AKAP6: variants seen among roughly 807,000 people sequenced by gnomAD.
The protein encoded by AKAP6 is A-kinase anchoring protein 6, also known as A-kinase anchor protein 6.
In AKAP6, 58 loss-of-function variants were observed where a neutral mutation model predicts 188.5. The ratio of observed to expected loss-of-function variants is 0.31; its 90% CI spans 0.25 to 0.38. The LOEUF is 0.38. Ranked by LOEUF, AKAP6 falls within the 10% of genes least tolerant of loss-of-function variation. The probability of loss-of-function intolerance (pLI) is 1.00; values close to 1 mark genes in which losing one functional copy is unlikely to be tolerated. For synonymous variants in AKAP6, 989 were observed against 998.6 expected (o/e 0.99, Z 0.18); for missense variants, 2,710 against 2,740.0 (o/e 0.99, Z 0.24).
chr14:32,798,806 C>A (rs1454335779), intron 12 of AKAP6, among the ~76,000 whole-genome samples: 2 of 151,998 alleles, frequency 1.3e-5, no homozygotes, highest in Non-Finnish European at 2.9e-5. Context: ...ATAATCTGTA[C>A]ACCAAAATCC....
intron 2 of AKAP6, among the ~76,000 whole-genome samples, chr14:32,485,176 T>C (rs1219887145): frequency 2.3e-5 from 3 of 129,568 alleles, no homozygotes; most frequent in Non-Finnish European, 4.7e-5. Flanking sequence ...TATTCCATGA[T>C]GTATATGTGC....
chr14:32,830,093 C>A lies in AKAP6; in HGVS notation c.*288C>A. On this transcript the variant is annotated 3_prime_UTR_variant, in exon 14 of 14. Coordinates refer to ENST00000280979, the MANE Select transcript of AKAP6 (RefSeq NM_004274.5). ...GGATTCCTGTCCCAAGCTACCTCTACCAACCCTCTCTCTCCAGCTAGACTT... is the reference window on the plus strand; with the variant it reads ...GGATTCCTGTCCCAAGCTACCTCTAACAACCCTCTCTCTCCAGCTAGACTT... 1 of 637,016 alleles carries A rather than the reference C, an allele frequency of 1.6e-6. No homozygotes were observed. Among genetic ancestry groups the A allele is most frequent in the South Asian group, 1.8e-5 (1 of 56,080 alleles). 39.5% of individuals were successfully genotyped at this position (637,016 alleles called of 1,614,324 possible). A position where few individuals can be genotyped will look rare whatever the true frequency, so the allele number is the denominator to read the frequency against.
intron 12 of AKAP6, among the ~76,000 whole-genome samples, chr14:32,792,759 CATAA>C (rs2140059985): frequency 6.6e-6 from 1 of 152,218 alleles, no homozygotes; most frequent in South Asian, 2.1e-4. Flanking sequence ...ATGGGTTAGT[CATAA>C]ATAGTTATTA....
At chr14:32,565,507 CT>C (rs1237630254) in intron 4 of AKAP6, among the ~76,000 whole-genome samples, 3 of 152,172 alleles carry the variant, frequency 2.0e-5, no homozygotes, top group Admixed American at 6.5e-5. Flanking sequence ...CACTGAGCTG[CT>C]TTAGTTTAGC....
intron 7 of AKAP6, among the ~76,000 whole-genome samples, chr14:32,649,886 T>G (rs1438126134): frequency 6.6e-6 from 1 of 152,178 alleles, no homozygotes; most frequent in Non-Finnish European, 1.5e-5. Flanking sequence ...GGCACAAGAT[T>G]GTGTTGTAGA....
intron 7 of AKAP6, among the ~76,000 whole-genome samples, chr14:32,621,198 A>G (rs577008200): frequency 4.0e-5 from 6 of 149,314 alleles, no homozygotes; most frequent in Non-Finnish European, 9.0e-5. Flanking sequence ...GGTCTTTTTT[A>G]TTTCTTTTCT....
intron 2 of AKAP6, among the ~76,000 whole-genome samples, chr14:32,470,915 T>C (rs1251359362): frequency 6.6e-6 from 1 of 152,244 alleles, no homozygotes; most frequent in Non-Finnish European, 1.5e-5. Context: ...CAAATGAATG[T>C]CATTCACAAA....
intron 13 of AKAP6, 97 bp downstream of exon 13, chr14:32,824,912 C>A: frequency 1.1e-6 from 1 of 913,802 alleles, no homozygotes; most frequent in South Asian, 1.9e-5. Flanking sequence ...TGACCAGTTA[C>A]GGCAGACAGT....
At chr14:32,545,127 C>A in intron 3 of AKAP6, 103 bp from the exon 4 acceptor site, 1 of 1,082,292 alleles carries the variant, frequency 9.2e-7, no homozygotes, top group Non-Finnish European at 1.4e-6. Context: ...GGGACCAATA[C>A]ATTTGACCTT....
intron 11 of AKAP6, among the ~76,000 whole-genome samples, chr14:32,766,812 A>G (rs184065595): frequency 1.3e-5 from 2 of 152,310 alleles, no homozygotes; most frequent in Middle Eastern, 3.4e-3. Flanking sequence ...TGTGTCATAA[A>G]GAAGAAGCCA....
chr14:32,632,378 C>T (rs1260458137), intron 7 of AKAP6, among the ~76,000 whole-genome samples: 2 of 152,040 alleles, frequency 1.3e-5, no homozygotes, highest in East Asian at 3.9e-4. Context: ...GCCTACCATA[C>T]ATCCTAATAT....
At chr14:32,633,051 G>A (rs533239060) in intron 7 of AKAP6, among the ~76,000 whole-genome samples, 2 of 152,130 alleles carry the variant, frequency 1.3e-5, no homozygotes, top group Non-Finnish European at 2.9e-5. Context: ...ATGGACACAT[G>A]TTAACTGGGT....
intron 13 of AKAP6, among the ~76,000 whole-genome samples, chr14:32,827,822 G>C (rs2034712023): frequency 6.6e-6 from 1 of 152,166 alleles, no homozygotes; most frequent in Non-Finnish European, 1.5e-5. Context: ...ATAAGCCTCT[G>C]ATCTTTGATG....
intron 5 of AKAP6, among the ~76,000 whole-genome samples, chr14:32,582,230 A>G (rs2139285532): frequency 6.6e-6 from 1 of 152,206 alleles, no homozygotes; most frequent in East Asian, 1.9e-4. Context: ...TCTGTAAAGT[A>G]TTTTATTTTT....
chr14:32,670,744 G>A (rs10131533), intron 7 of AKAP6, among the ~76,000 whole-genome samples: 26,497 of 150,680 alleles, frequency 0.18, 3,429 homozygotes, highest in East Asian at 0.41. Context: ...TTTTTTCCCT[G>A]GGAAGAATAG....
intron 2 of AKAP6, among the ~76,000 whole-genome samples, chr14:32,525,968 A>C (rs146906315): frequency 6.6e-6 from 1 of 152,218 alleles, no homozygotes; most frequent in Admixed American, 6.5e-5. Flanking sequence ...AAGAATAACT[A>C]CTGTTTATAG....
chr14:32,593,563 T>C (rs1885571307), intron 5 of AKAP6, among the ~76,000 whole-genome samples: 1 of 151,954 alleles, frequency 6.6e-6, no homozygotes, highest in Non-Finnish European at 1.5e-5. Context: ...GGTAGATGAG[T>C]GGTTAGATAG....
chr14:32,372,559 A>G lies in AKAP6; in HGVS notation c.-35+43151A>G, dbSNP rs553845630. Among the ~76,000 whole-genome samples the G allele has an allele frequency of 8.0e-3, 696 of 86,656 alleles. 4 individuals carry two copies. Among genetic ancestry groups the G allele is most frequent in the Middle Eastern group, 0.038 (6 of 158 alleles). 56.8% of individuals were successfully genotyped at this position (86,656 alleles called of 152,430 possible). A position where few individuals can be genotyped will look rare whatever the true frequency, so the allele number is the denominator to read the frequency against. On this transcript the variant is annotated intron_variant, in intron 1 of 13. Transcript: ENST00000280979. ...CTTTATAGCAATATAATTCTTTAAGATCACTTTTTTTTTTTTAATTTTTGG... is the reference window on the plus strand; with the variant it reads ...CTTTATAGCAATATAATTCTTTAAGGTCACTTTTTTTTTTTTAATTTTTGG...
At chr14:32,565,343 A>G (rs1167987090) in intron 4 of AKAP6, among the ~76,000 whole-genome samples, 4 of 152,208 alleles carry the variant, frequency 2.6e-5, no homozygotes, top group African/African-American at 7.2e-5. Flanking sequence ...TGAATTTTGT[A>G]TTTCCTCTTT....
Sources: gnomAD v4.1 joint callset for allele counts (sites outside exome capture counted in the v4.1 genomes callset) on GRCh38, gnomAD v4.1.1 for gene constraint, MANE v1.5 for transcripts, NCBI Gene and HGNC (gene_info 2026-07-23, HGNC 2026-07-21) for gene names.